The following TTC3 variants were observed in gnomAD, a reference collection of about 807,000 sequenced individuals.
TTC3 encodes the protein E3 ubiquitin-protein ligase TTC3.
A neutral mutation model predicts 249.6 loss-of-function variants in TTC3; 180 were observed. The observed-to-expected ratio is 0.72, with a 90% CI of 0.64 to 0.82. The LOEUF (loss-of-function observed/expected upper bound fraction) is 0.82. Among genes scored for constraint, TTC3 ranks in the 40% least tolerant of loss-of-function variants. The probability of loss-of-function intolerance (pLI) is 0.00; values close to 1 mark genes in which losing one functional copy is unlikely to be tolerated. For missense variants in TTC3, 2,061 were observed against 2,398.4 expected, an observed-to-expected ratio of 0.86 and a Z score of 2.94; for synonymous variants, 717 against 805.0, an observed-to-expected ratio of 0.89 and a Z score of 1.85.
chr21:37,175,096 A>G (rs1282653692), intron 35 of TTC3, among the ~76,000 whole-genome samples: 2 of 95,622 alleles, frequency 2.1e-5, no homozygotes, highest in Non-Finnish European at 1.9e-5. Context: ...TCTACTAAAA[A>G]TACAAAAAAA....
At chr21:37,122,332 C>T (rs2076646980) in intron 12 of TTC3, among the ~76,000 whole-genome samples, 1 of 149,710 alleles carries the variant, frequency 6.7e-6, no homozygotes, top group Non-Finnish European at 1.5e-5. Flanking sequence ...AAAGTTATTT[C>T]CTAAAGAAAA....
At chr21:37,086,191 T>C (rs1416911123) in intron 1 of TTC3, 32 of 152,276 alleles carry the variant, frequency 2.1e-4, no homozygotes, top group Admixed American at 2.0e-3. Flanking sequence ...ATAAATAGAT[T>C]TGAACTTCAA....
intron 10 of TTC3, among the ~76,000 whole-genome samples, chr21:37,097,659 G>GAA (rs2074074055): frequency 6.6e-6 from 1 of 152,180 alleles, no homozygotes; most frequent in Admixed American, 6.5e-5. Context: ...AAGTTGGGCT[G>GAA]TAATATTAAT....
chr21:37,150,881 C>G (rs1315112128), exon 25 of TTC3: 1 of 1,601,254 alleles, frequency 6.2e-7, no homozygotes, highest in East Asian at 2.2e-5. Flanking sequence ...CAGAAATGTT[C>G]TAGGTAAGAT....
intron 21 of TTC3, among the ~76,000 whole-genome samples, chr21:37,145,677 C>G (rs2078922131): frequency 6.6e-6 from 1 of 152,174 alleles, no homozygotes; most frequent in Non-Finnish European, 1.5e-5. Context: ...TATGGTTTTG[C>G]AGGCTGTATA....
intron 34 of TTC3, among the ~76,000 whole-genome samples, chr21:37,171,019 C>A (rs962242083): frequency 6.6e-6 from 1 of 152,176 alleles, no homozygotes; most frequent in Non-Finnish European, 1.5e-5. Flanking sequence ...TTTATAGCAT[C>A]ATTTTAAATG....
At chr21:37,202,419 C>T (rs1368880134) in exon 46 of TTC3, 2 of 152,276 alleles carry the variant, frequency 1.3e-5, no homozygotes, top group African/African-American at 4.8e-5. Context: ...TCAGCGAGTG[C>T]TTGGGATCCG....
chr21:37,088,783 T>C lies in TTC3; in HGVS notation c.339-16T>C. 6.2e-7 allele frequency: 1 copy of C among 1,603,102 alleles called. No individual in the cohort carries two copies. The highest frequency in any genetic ancestry group is 8.5e-7 in the Non-Finnish European group (1 of 1,174,686). On this transcript the variant is annotated splice_polypyrimidine_tract_variant and intron_variant, in intron 4 of 45. Coordinates refer to ENST00000355666, the Ensembl canonical transcript of TTC3. ...TATGAGAATCTAATCTTTTAAAAAA[T>C]AAATTTGTCTTTAAGCAATTCACGT... is the stretch of plus-strand genomic sequence containing the variant.
intron 17 of TTC3, among the ~76,000 whole-genome samples, chr21:37,134,426 A>C (rs560198611): frequency 2.6e-5 from 4 of 151,828 alleles, no homozygotes; most frequent in Admixed American, 1.3e-4. Context: ...TCCAGCCTGG[A>C]CGACAGAGCA....
intron 35 of TTC3, among the ~76,000 whole-genome samples, chr21:37,173,995 A>G (rs2082024643): frequency 6.6e-6 from 1 of 152,214 alleles, no homozygotes; most frequent in Non-Finnish European, 1.5e-5. Context: ...TTTAATTCCC[A>G]TGTGGGAATT....
chr21:37,179,053 C>A (rs529473055), intron 35 of TTC3, among the ~76,000 whole-genome samples: 1 of 152,240 alleles, frequency 6.6e-6, no homozygotes, highest in African/African-American at 2.4e-5. Flanking sequence ...AGGAGGATTG[C>A]TTGAGCCCAG....
At chr21:37,199,068 G>A (rs1442261919) in intron 44 of TTC3, among the ~76,000 whole-genome samples, 4 of 152,160 alleles carry the variant, frequency 2.6e-5, no homozygotes, top group Non-Finnish European at 4.4e-5. Context: ...GGGCAGCAGT[G>A]GAGGGGCATG....
chr21:37,155,406 G>A (rs920055783), intron 27 of TTC3, among the ~76,000 whole-genome samples: 9 of 152,308 alleles, frequency 5.9e-5, no homozygotes, highest in East Asian at 3.9e-4. Context: ...AAGCTCTGAC[G>A]TGGATAGGGA....
intron 1 of TTC3, among the ~76,000 whole-genome samples, chr21:37,078,085 C>T (rs139921683): frequency 4.6e-4 from 70 of 151,872 alleles, no homozygotes; most frequent in African/African-American, 1.5e-3. Context: ...ATCCCTGTAC[C>T]ATGTATTGAA....
intron 23 of TTC3, 46 bp from the exon 24 acceptor site, chr21:37,150,032 C>G: frequency 7.2e-7 from 1 of 1,392,232 alleles, no homozygotes; most frequent in Admixed American, 1.8e-5. Context: ...ATTTATCCCC[C>G]CTAGACATAA....
In TTC3 at chr21:37,151,942, C is replaced by CA. The variant is rs756650873; in HGVS notation, c.2334dup (p.Glu779ArgfsTer18). 2.9e-5 allele frequency: 47 copies of CA among 1,599,126 alleles called. No individual in the cohort carries two copies. Among genetic ancestry groups the CA allele is most frequent in the Admixed American group, 1.4e-4 (8 of 57,102 alleles). ...AGACAAAAAATTGAAGAGAAAGATC[C>CA]AAAAAAAAGAAGCAAAAAAGTTAGC... On this transcript the variant is annotated frameshift_variant, in exon 26 of 46. Transcript: ENST00000355666. LOFTEE classifies it high-confidence loss of function.
chr21:37,149,548 T>G (rs1601796899), intron 23 of TTC3, among the ~76,000 whole-genome samples: 1 of 152,330 alleles, frequency 6.6e-6, no homozygotes, highest in Non-Finnish European at 1.5e-5. Flanking sequence ...ATACACTCTG[T>G]AAATTAGTCA....
At chr21:37,136,347 A>C (rs992436244) in intron 18 of TTC3, among the ~76,000 whole-genome samples, 2 of 152,234 alleles carry the variant, frequency 1.3e-5, no homozygotes, top group Non-Finnish European at 2.9e-5. Context: ...TCTTGTGCCA[A>C]ATAGCCAAAT....
intron 10 of TTC3, among the ~76,000 whole-genome samples, chr21:37,105,335 G>A (rs2074973459): frequency 6.6e-6 from 1 of 152,136 alleles, no homozygotes. Flanking sequence ...TTATTCAAGA[G>A]TTCCAGAAGA....
Sources: gnomAD v4.1 joint callset for allele counts (sites outside exome capture counted in the v4.1 genomes callset) on GRCh38, gnomAD v4.1.1 for gene constraint, MANE v1.5 for transcripts, NCBI Gene and HGNC (gene_info 2026-07-23, HGNC 2026-07-21) for gene names.